CDK5RAP1: variants seen among roughly 807,000 people sequenced by gnomAD.
CDK5RAP1 encodes CDK5RAP1 mitochondrial tRNA methylthiotransferase.
Under a neutral mutation model 64.5 loss-of-function variants are expected in CDK5RAP1, and 62 were observed. The observed-to-expected ratio is 0.96, with a 90% CI of 0.78 to 1.19. CDK5RAP1 has a LOEUF of 1.19. Ranked by LOEUF, CDK5RAP1 falls within the 50% of genes most tolerant of loss-of-function variation. CDK5RAP1 has a pLI of 0.00. For synonymous variants in CDK5RAP1, 250 were observed against 261.9 expected, an observed-to-expected ratio of 0.95 and a Z score of 0.44; for missense variants, 657 against 735.0, an observed-to-expected ratio of 0.89 and a Z score of 1.23.
chr20:33,401,146 C>T (rs901241353), intron 1 of CDK5RAP1, among the ~76,000 whole-genome samples: 1 of 152,200 alleles, frequency 6.6e-6, no homozygotes, highest in Admixed American at 6.5e-5. Flanking sequence ...TACCTATAAC[C>T]CTCATAGCAA....
chr20:33,366,937 G>T lies in CDK5RAP1; in HGVS notation c.1464C>A (p.Leu488=). ...EEVKLRRLEE[L]ITIFREEATK... ...TTGCTTCTTCTCGGAAGATAGTGAT[G>T]AGTTCCTCCAAACGCCTTAATTTTA... Residue 488 remains leucine (L), a synonymous_variant, in exon 12 of 14, where the codon CTC becomes CTA. Coordinates refer to ENST00000346416, the MANE Select transcript of CDK5RAP1 (RefSeq NM_016408.4). 6.2e-7 allele frequency: 1 copy of T among 1,613,720 alleles called. No homozygotes were observed. Among genetic ancestry groups the T allele is most frequent in the Non-Finnish European group, 8.5e-7 (1 of 1,179,912 alleles).
rs1169087332 is a variant in CDK5RAP1 at position 33,387,346 on chromosome 20, G to A, written c.732C>T (p.Ser244=). ...ACACAAAGGCAGACGTGGCACTGGC[G>A]CTTGTCTGGACTGGCATGACATCAG... ...TYADVMPVQT[S]ASATSAFVSI... is the part of the protein sequence containing the mutation. Residue 244 remains serine, a synonymous_variant, in exon 6 of 14, where the codon AGC becomes AGT. Transcript: ENST00000346416. 6.2e-6 allele frequency: 10 copies of A among 1,613,736 alleles called. No homozygotes were observed. The highest frequency in any genetic ancestry group is 4.5e-5 in the East Asian group (2 of 44,888).
chr20:33,393,728 A>AG (rs1323965993), intron 4 of CDK5RAP1, among the ~76,000 whole-genome samples: 1 of 152,216 alleles, frequency 6.6e-6, no homozygotes, highest in African/African-American at 2.4e-5. Flanking sequence ...AACAAAGCTC[A>AG]GGAAGAGCTG....
At position 33,374,197 on chromosome 20, in the gene CDK5RAP1, G is replaced by C. The variant is rs1335930103; in HGVS notation, c.1123C>G (p.His375Asp). 8.1e-6 allele frequency: 13 copies of C among 1,611,472 alleles called. No homozygotes were observed. The highest frequency in any genetic ancestry group is 1.7e-5 in the Admixed American group (1 of 59,994). ...TGTTTACAGATGTTATCTCTCTCAT[G>C]AATCAGCTGCAGAACCTGATGAAAC... ...DFPDEVLQLI[H>D]ERDNICKQIH... The change falls in exon 9 of 14, where the codon CAT becomes GAT. Residue 375 changes from histidine (H) to aspartate (D), a missense_variant. Coordinates refer to ENST00000346416, the MANE Select transcript of CDK5RAP1 (RefSeq NM_016408.4).
Position 33,370,888 on chromosome 20 carries a change from G to A in CDK5RAP1, c.1262-259C>T, listed in dbSNP as rs116666282. ...TTTCCACTTCCAATGCTGCATTTAG[G>A]GACACAGTAGGGAGTCCACATTTTC... is the stretch of plus-strand genomic sequence containing the variant. On this transcript the variant is annotated intron_variant, in intron 10 of 13. Coordinates refer to ENST00000346416, the MANE Select transcript of CDK5RAP1 (RefSeq NM_016408.4). Among the ~76,000 whole-genome samples the A allele has an allele frequency of 6.0e-3, 921 of 152,240 alleles. 7 individuals are homozygous for A. Among genetic ancestry groups the A allele is most frequent in the African/African-American group, 0.021 (869 of 41,538 alleles).
At chr20:33,388,915 G>A (rs918227595) in intron 5 of CDK5RAP1, among the ~76,000 whole-genome samples, 3 of 152,160 alleles carry the variant, frequency 2.0e-5, no homozygotes, top group African/African-American at 4.8e-5. Context: ...ATGGAGTCTC[G>A]TTCACTCAGT....
intron 13 of CDK5RAP1, 36 bp downstream of exon 13, chr20:33,360,315 C>T (rs1358796265): frequency 1.3e-6 from 2 of 1,592,996 alleles, no homozygotes; most frequent in Non-Finnish European, 1.7e-6. Flanking sequence ...ACACTCATTT[C>T]ACAGTGCAAG....
chr20:33,363,228 C>T (rs969178376), intron 12 of CDK5RAP1, among the ~76,000 whole-genome samples: 2 of 152,050 alleles, frequency 1.3e-5, no homozygotes, highest in Non-Finnish European at 2.9e-5. Context: ...TCATGGAAGT[C>T]AAAGAAATAA....
intron 1 of CDK5RAP1, among the ~76,000 whole-genome samples, 168 bp downstream of exon 1, chr20:33,401,260 C>T (rs564297841): frequency 6.6e-6 from 1 of 152,198 alleles, no homozygotes; most frequent in Middle Eastern, 3.2e-3. Context: ...GGTTAGGCGG[C>T]GGGGTTAGGG....
intron 11 of CDK5RAP1, among the ~76,000 whole-genome samples, chr20:33,368,487 T>TTG (rs1984402371): frequency 6.7e-6 from 1 of 148,288 alleles, no homozygotes; most frequent in African/African-American, 2.5e-5. Context: ...TTTTTTTTTT[T>TTG]TGGTAGAGAA....
intron 7 of CDK5RAP1, among the ~76,000 whole-genome samples, chr20:33,383,812 T>A (rs1381469617): frequency 2.3e-5 from 2 of 88,434 alleles, no homozygotes; most frequent in Non-Finnish European, 5.5e-5. Flanking sequence ...CTCAGGAGGA[T>A]AAGGCAGGAG....
rs1221182767 is a variant in CDK5RAP1, at chr20:33,391,223, T to G, written c.544+919A>C. On this transcript the variant is annotated intron_variant, in intron 5 of 13. Coordinates refer to ENST00000346416, the MANE Select transcript of CDK5RAP1 (RefSeq NM_016408.4). ...GAGCCATGATCATGCCACTCCAGTCTGGGCAACAGTGTGAGACTCTGTTTT... is the reference window on the plus strand; with the variant it reads ...GAGCCATGATCATGCCACTCCAGTCGGGGCAACAGTGTGAGACTCTGTTTT... 6.7e-5 allele frequency among the ~76,000 whole-genome samples: 9 copies of G among 133,522 alleles called. 1 individual carries two copies. In the Admixed American group the frequency reaches 7.8e-4, roughly 12 times the overall value. 87.6% of individuals were successfully genotyped at this position (133,522 alleles called of 152,430 possible).
chr20:33,372,107 C>A (rs1985119336), intron 10 of CDK5RAP1, among the ~76,000 whole-genome samples: 1 of 152,206 alleles, frequency 6.6e-6, no homozygotes, highest in East Asian at 1.9e-4. Context: ...CCTGGAAGTT[C>A]CCCAAAGGCA....
Position 33,361,955 on chromosome 20 carries a change from C to CAAA in CDK5RAP1, c.1543-1467_1543-1465dup, listed in dbSNP as rs11481557. On this transcript the variant is annotated intron_variant, in intron 12 of 13. Transcript: ENST00000346416. ...TGGGCAACAGAGTGAGCCTCAGTCT[C>CAAA]AAAAAAAAAAAAAAAAAAAAGGAAG... Among the ~76,000 whole-genome samples the CAAA allele has an allele frequency of 1.4e-3, 125 of 87,800 alleles. 2 individuals are homozygous for CAAA. Among genetic ancestry groups the CAAA allele is most frequent in the African/African-American group, 4.0e-3 (78 of 19,590 alleles). The allele number at this position is 87,800 out of a possible 152,430, so 57.6% of individuals were successfully genotyped here. A position where few individuals can be genotyped will look rare whatever the true frequency, so the allele number is the denominator to read the frequency against.
Position 33,397,058 on chromosome 20 carries a change from G to A in CDK5RAP1, c.7C>T (p.Pro3Ser), listed in dbSNP as rs745752791. 1.2e-6 allele frequency: 2 copies of A among 1,603,802 alleles called. No homozygotes were observed. The highest frequency in any genetic ancestry group is 1.1e-5 in the South Asian group (1 of 90,228). Residue 3 changes from proline to serine, a missense_variant, in exon 2 of 14, where the codon CCT becomes TCT. Pro to Ser is a moderately conservative substitution (Grantham distance 74). Coordinates refer to ENST00000346416, the MANE Select transcript of CDK5RAP1 (RefSeq NM_016408.4). MH[P>S]LQCVLQVQRS... ...TGCACTTGGAGGACACACTGTAAAGGGTGCATGGCACTAAACAGCCCACAG... is the reference window on the plus strand; with the variant it reads ...TGCACTTGGAGGACACACTGTAAAGAGTGCATGGCACTAAACAGCCCACAG...
intron 7 of CDK5RAP1, among the ~76,000 whole-genome samples, chr20:33,385,398 G>C (rs1987292465): frequency 6.6e-6 from 1 of 152,158 alleles, no homozygotes; most frequent in African/African-American, 2.4e-5. Flanking sequence ...ACATGCCTAG[G>C]AACCAAGCCA....
Position 33,375,909 on chromosome 20 carries a change from T to C in CDK5RAP1, c.1108-1697A>G, listed in dbSNP as rs6059287. ...TAGGGTTTCACTCTATCACCCTCGC[T>C]AGAGTGCAATGAAACTGTAGCTCAC... is the stretch of plus-strand genomic sequence containing the variant. On this transcript the variant is annotated intron_variant, in intron 8 of 13. Transcript: ENST00000346416. Among the ~76,000 whole-genome samples, 610 of 152,302 alleles carry C rather than the reference T, an allele frequency of 4.0e-3. 7 individuals are homozygous for C. The highest frequency in any genetic ancestry group is 0.014 in the African/African-American group (573 of 41,570).
rs11481557 is a variant in CDK5RAP1, at chr20:33,361,955, CAA to C, written c.1543-1466_1543-1465del. ...TGGGCAACAGAGTGAGCCTCAGTCT[CAA>C]AAAAAAAAAAAAAAAAAAGGAAGGA... On this transcript the variant is annotated intron_variant, in intron 12 of 13. Transcript: ENST00000346416. Among the ~76,000 whole-genome samples the C allele has an allele frequency of 5.2e-3, 455 of 87,846 alleles. 4 individuals carry two copies. Among genetic ancestry groups the C allele is most frequent in the South Asian group, 0.015 (39 of 2,658 alleles). 57.6% of individuals were successfully genotyped at this position (87,846 alleles called of 152,430 possible).
chr20:33,359,388 A>C, intron 13 of CDK5RAP1: 1 of 399,668 alleles, frequency 2.5e-6, no homozygotes, highest in Non-Finnish European at 4.5e-6. Context: ...CTCAGCTCTA[A>C]CCATAAAATT....
Sources: gnomAD v4.1 joint callset for allele counts (sites outside exome capture counted in the v4.1 genomes callset) on GRCh38, gnomAD v4.1.1 for gene constraint, MANE v1.5 for transcripts, NCBI Gene and HGNC (gene_info 2026-07-23, HGNC 2026-07-21) for gene names.